GLI3: variants seen among roughly 807,000 people sequenced by gnomAD.
GLI3 encodes GLI family zinc finger 3.
Under a neutral mutation model 100.8 loss-of-function variants are expected in GLI3, and 20 were observed. The observed-to-expected ratio is 0.20, with a 90% confidence interval of 0.14 to 0.29. The LOEUF (loss-of-function observed/expected upper bound fraction) is 0.29, where lower values mean the gene tolerates loss of function less well. Ranked by LOEUF, GLI3 falls within the 10% of genes least tolerant of loss-of-function variation. The pLI, the probability that GLI3 is intolerant of heterozygous loss-of-function variation, is 1.00. For missense variants in GLI3, 2,040 were observed against 2,128.5 expected (o/e 0.96, Z 0.82); for synonymous variants, 938 against 860.5 (o/e 1.09, Z -1.58).
chr7:41,997,062 G>A (rs552435012), intron 10 of GLI3, among the ~76,000 whole-genome samples: 8 of 152,156 alleles, frequency 5.3e-5, no homozygotes, highest in Non-Finnish European at 1.2e-4. Context: ...AGACACTCCC[G>A]TAATCTCAGC....
intron 10 of GLI3, among the ~76,000 whole-genome samples, chr7:42,002,644 C>A (rs1198058674): frequency 6.6e-6 from 1 of 152,094 alleles, no homozygotes; most frequent in Non-Finnish European, 1.5e-5. Context: ...ATGAAAATAA[C>A]CTCAATAAAA....
intron 2 of GLI3, among the ~76,000 whole-genome samples, chr7:42,167,862 A>G (rs1787276119): frequency 6.6e-6 from 1 of 152,222 alleles, no homozygotes; most frequent in Non-Finnish European, 1.5e-5. Context: ...AATGCCTTCT[A>G]TTTAATTCTG....
At chr7:42,033,086 C>T (rs1025304895) in intron 7 of GLI3, among the ~76,000 whole-genome samples, 3 of 152,120 alleles carry the variant, frequency 2.0e-5, no homozygotes, top group African/African-American at 4.8e-5. Flanking sequence ...AATGACCCAG[C>T]GCGGTGTGCA....
chr7:42,237,029 A>AGGCTGGC lies in GLI3; in HGVS notation c.-108_-102dup, dbSNP rs1362964129. Reference sequence around the variant, plus strand: ...TCCCATAGACCCGCGGACGGGGCGCAGGCTGGCGGCTCCCCGCTCCGCGCG... The same window carrying AGGCTGGC: ...TCCCATAGACCCGCGGACGGGGCGCAGGCTGGCGGCTGGCGGCTCCCCGCTCCGCGCG... On this transcript the variant is annotated 5_prime_UTR_variant, in exon 1 of 15. Coordinates refer to ENST00000395925, the MANE Select transcript of GLI3 (RefSeq NM_000168.6). 6.7e-6 allele frequency: 1 copy of AGGCTGGC among 150,356 alleles called. No homozygotes were observed. The highest frequency in any genetic ancestry group is 2.0e-4 in the East Asian group (1 of 5,086). 9.3% of individuals were successfully genotyped at this position (150,356 alleles called of 1,614,324 possible).
Position 42,017,753 on chromosome 7 carries a change from C to A in GLI3, c.1497+5715G>T, listed in dbSNP as rs538196849. ...TCTAGCGTACATCCCAGTTTAGCAA[C>A]AATTAATATAAAATAAGCCACAGAA... On this transcript the variant is annotated intron_variant, in intron 10 of 14. Transcript: ENST00000395925. Among the ~76,000 whole-genome samples the A allele has an allele frequency of 2.0e-5, 3 of 152,290 alleles. No homozygotes were observed. In the East Asian group the frequency reaches 5.8e-4, roughly 29 times the overall value.
intron 3 of GLI3, among the ~76,000 whole-genome samples, chr7:42,088,549 C>T (rs1785152113): frequency 6.6e-6 from 1 of 152,256 alleles, no homozygotes; most frequent in Non-Finnish European, 1.5e-5. Flanking sequence ...GATGTCTAAC[C>T]TATGCTATAG....
rs1788514949 is a variant in GLI3 at position 42,222,984 on chromosome 7, C to T, written c.124+146G>A. 19 of 901,284 alleles carry T rather than the reference C, an allele frequency of 2.1e-5. No individual in the cohort carries two copies. In the South Asian group the frequency reaches 2.5e-4, roughly 12 times the overall value. The allele number at this position is 901,284 out of a possible 1,614,324, so 55.8% of individuals were successfully genotyped here. A position where few individuals can be genotyped will look rare whatever the true frequency, so the allele number is the denominator to read the frequency against. ...GATTACTACATTCCATGTCCCCCCGCCGTCCCCCCGCCCCTGCTCCATTTG... is the reference window on the plus strand; with the variant it reads ...GATTACTACATTCCATGTCCCCCCGTCGTCCCCCCGCCCCTGCTCCATTTG... On this transcript the variant is annotated intron_variant, in intron 2 of 14. Transcript: ENST00000395925.
chr7:42,021,732 C>T (rs1287097516), intron 10 of GLI3, among the ~76,000 whole-genome samples: 2 of 152,206 alleles, frequency 1.3e-5, no homozygotes, highest in Non-Finnish European at 1.5e-5. Flanking sequence ...TCCTCCAAAA[C>T]GGCACCATGA....
chr7:42,013,829 T>C (rs1384003525), intron 10 of GLI3, among the ~76,000 whole-genome samples: 1 of 152,140 alleles, frequency 6.6e-6, no homozygotes, highest in Non-Finnish European at 1.5e-5. Context: ...GATAATCCTG[T>C]TTTAAAGAAA....
At position 41,966,247 on chromosome 7, in the gene GLI3, C is replaced by A. The variant is rs34245321; in HGVS notation, c.2826G>T (p.Pro942=). Residue 942 remains proline, a synonymous_variant, in exon 15 of 15, where the codon CCG becomes CCT. Transcript: ENST00000395925. This position sits in a 1 kb window ranked among gnomAD's most constrained non-coding sequence, Gnocchi z 5.8. ...KYAAATGGPP[P]TPLPNMERMS... ...TCCTCTCCATGTTGGGCAGGGGCGT[C>A]GGCGGCGGCCCTCCTGTGGCAGCCG... is the stretch of plus-strand genomic sequence containing the variant. 125 of 1,608,184 alleles carry A rather than the reference C, an allele frequency of 7.8e-5. No individual in the cohort carries two copies. The African/African-American group carries it at 1.3e-3, about 17-fold the overall frequency.
rs1299873945 is a variant in GLI3 at position 41,961,691 on chromosome 7, G to C, written c.*2639C>G. ...CTAAAATGCATAGGTTAGAGAAATG[G>C]AGAGAGGCTTGGAGGCTGGGGGTGA... On this transcript the variant is annotated 3_prime_UTR_variant, in exon 15 of 15. Coordinates refer to ENST00000395925, the MANE Select transcript of GLI3 (RefSeq NM_000168.6). 6.6e-6 allele frequency: 1 copy of C among 152,096 alleles called. No homozygotes were observed. Among genetic ancestry groups the C allele is most frequent in the South Asian group, 2.1e-4 (1 of 4,820 alleles). The allele number at this position is 152,096 out of a possible 1,614,324, so 9.4% of individuals were successfully genotyped here.
At chr7:42,011,141 G>A (rs561538164) in intron 10 of GLI3, among the ~76,000 whole-genome samples, 21 of 152,206 alleles carry the variant, frequency 1.4e-4, no homozygotes, top group Non-Finnish European at 3.1e-4. Context: ...TGTGGCCACT[G>A]TAGATGTATG....
chr7:42,053,855 C>T (rs1446308770), intron 4 of GLI3, among the ~76,000 whole-genome samples: 9 of 152,130 alleles, frequency 5.9e-5, no homozygotes, highest in Admixed American at 3.3e-4. Context: ...TGCCTGTGGC[C>T]CTCCAAACTA....
At chr7:42,243,926 C>A (rs189700049) in intron 1 of GLI3, among the ~76,000 whole-genome samples, 259 of 152,288 alleles carry the variant, frequency 1.7e-3, no homozygotes, top group African/African-American at 6.1e-3. Flanking sequence ...TTCCACCTCC[C>A]GGGTTCAACC....
intron 10 of GLI3, 125 bp downstream of exon 10, chr7:42,023,340 CATA>C: frequency 1.1e-6 from 1 of 915,738 alleles, no homozygotes. Context: ...CTCAGAAAGT[CATA>C]AAGCCCTCTC....
chr7:42,015,489 A>G (rs1214295729), intron 10 of GLI3, among the ~76,000 whole-genome samples: 1 of 152,176 alleles, frequency 6.6e-6, no homozygotes, highest in African/African-American at 2.4e-5. Context: ...AAGTCCTCGC[A>G]TTAGAAAACT....
At chr7:42,165,179 CAA>C (rs113990543) in intron 2 of GLI3, among the ~76,000 whole-genome samples, 4,829 of 120,728 alleles carry the variant, frequency 0.04, 218 homozygotes, top group African/African-American at 0.13. Flanking sequence ...AAACTGTGTC[CAA>C]AAAAAAAAAA....
chr7:42,185,301 G>A (rs1787696647), intron 2 of GLI3, among the ~76,000 whole-genome samples: 2 of 152,156 alleles, frequency 1.3e-5, no homozygotes, highest in African/African-American at 4.8e-5. Flanking sequence ...CCCAACTCAT[G>A]GGAAGAGGTC....
chr7:42,210,864 T>A (rs1221520256), intron 2 of GLI3, among the ~76,000 whole-genome samples: 1 of 152,142 alleles, frequency 6.6e-6, no homozygotes, highest in African/African-American at 2.4e-5. Flanking sequence ...ACCAACAAAC[T>A]ACCTTGTGCT....
Sources: gnomAD v4.1 joint callset for allele counts (sites outside exome capture counted in the v4.1 genomes callset) on GRCh38, gnomAD v4.1.1 for gene constraint, Gnocchi (gnomAD v3.1) non-coding constraint, MANE v1.5 for transcripts, NCBI Gene and HGNC (gene_info 2026-07-23, HGNC 2026-07-21) for gene names.